S100Z: variants seen among roughly 807,000 people sequenced by gnomAD.
The protein encoded by S100Z is protein S100-Z.
Under a neutral mutation model 8.5 loss-of-function variants are expected in S100Z, and 11 were observed. The observed-to-expected ratio is 1.30, with a 90% CI of 0.82 to 2.15. The LOEUF (loss-of-function observed/expected upper bound fraction) is 2.15, where lower values mean the gene tolerates loss of function less well. Among genes scored for constraint, S100Z ranks in the 30% most tolerant of loss-of-function variants. The pLI is 0.00. For missense variants in S100Z, 126 were observed against 117.9 expected (o/e 1.07, Z -0.32); for synonymous variants, 34 against 43.8 (o/e 0.78, Z 0.89).
chr5:76,936,616 TACAC>T, the S100Z span, among the ~76,000 whole-genome samples: 417 of 134,128 alleles, frequency 3.1e-3, 1 homozygote, highest in East Asian at 5.1e-3. Flanking sequence ...TTAAAGTTCC[TACAC>T]ACACACACAC....
intron 1 of S100Z, among the ~76,000 whole-genome samples, chr5:76,852,536 C>A (rs1365255584): frequency 2.0e-5 from 3 of 151,982 alleles, no homozygotes; most frequent in Non-Finnish European, 4.4e-5. Flanking sequence ...ATGGTGAAAA[C>A]CCATCTCTAC....
intron 1 of S100Z, among the ~76,000 whole-genome samples, chr5:76,857,885 TAATAA>T (rs1355480541): frequency 6.6e-6 from 1 of 152,192 alleles, no homozygotes; most frequent in Non-Finnish European, 1.5e-5. Context: ...AATAAGTTTA[TAATAA>T]AATGTAACTC....
At chr5:76,863,740 G>T (rs369026588) in intron 1 of S100Z, among the ~76,000 whole-genome samples, 221 of 151,962 alleles carry the variant, frequency 1.5e-3, no homozygotes, top group African/African-American at 4.5e-3. Context: ...GGGTTTCACC[G>T]TGTTAGCCAG....
At chr5:76,908,474 C>T (rs536007067) in intron 4 of S100Z, among the ~76,000 whole-genome samples, 1 of 152,304 alleles carries the variant, frequency 6.6e-6, no homozygotes, top group Non-Finnish European at 1.5e-5. Context: ...GTCTCTGGTG[C>T]TTTTCTAGTT....
chr5:76,940,155 CAAAA>C, the S100Z span, among the ~76,000 whole-genome samples: 2 of 116,820 alleles, frequency 1.7e-5, no homozygotes, highest in Non-Finnish European at 1.7e-5. Context: ...GACTCCATCT[CAAAA>C]AAAAAAAAAA....
the S100Z span, among the ~76,000 whole-genome samples, chr5:76,935,651 G>A: frequency 6.0e-3 from 916 of 151,968 alleles, 26 homozygotes; most frequent in Admixed American, 0.041. Context: ...TACTAGATGT[G>A]GTACTGCCTT....
chr5:76,934,098 GA>G, the S100Z span, among the ~76,000 whole-genome samples: 1 of 152,178 alleles, frequency 6.6e-6, no homozygotes, highest in Non-Finnish European at 1.5e-5. Flanking sequence ...GACCACAGAA[GA>G]ATTAGTGACA....
At chr5:76,871,059 G>T (rs890501145) in intron 2 of S100Z, among the ~76,000 whole-genome samples, 1 of 152,120 alleles carries the variant, frequency 6.6e-6, no homozygotes. Flanking sequence ...TGAATTCCAG[G>T]CCTTGATGGG....
At chr5:76,899,843 G>T (rs1424377284) in intron 4 of S100Z, among the ~76,000 whole-genome samples, 1 of 152,070 alleles carries the variant, frequency 6.6e-6, no homozygotes, top group Non-Finnish European at 1.5e-5. Context: ...AGTGAGTTTT[G>T]TACCTTCAGG....
intron 4 of S100Z, among the ~76,000 whole-genome samples, chr5:76,899,605 A>C (rs1349861031): frequency 6.6e-6 from 1 of 152,144 alleles, no homozygotes; most frequent in Non-Finnish European, 1.5e-5. Context: ...TATTTGTATA[A>C]ACAAACAAGC....
downstream of S100Z, among the ~76,000 whole-genome samples, chr5:76,924,412 T>G (rs1745099940): frequency 1.3e-5 from 2 of 152,110 alleles, no homozygotes; most frequent in African/African-American, 4.8e-5. Context: ...TCAGCAAAGC[T>G]TCAGAGGGTG....
chr5:76,940,898 A>G, the S100Z span, among the ~76,000 whole-genome samples: 1 of 151,890 alleles, frequency 6.6e-6, no homozygotes, highest in African/African-American at 2.4e-5. Context: ...CTTGTTTTTG[A>G]TGATCTTGAC....
chr5:76,873,161 T>C (rs961439954), intron 2 of S100Z, among the ~76,000 whole-genome samples: 2 of 152,090 alleles, frequency 1.3e-5, no homozygotes, highest in African/African-American at 4.8e-5. Flanking sequence ...TTCATGCTTT[T>C]AGCCACCATG....
intron 4 of S100Z, among the ~76,000 whole-genome samples, chr5:76,899,383 T>G (rs1469280422): frequency 6.6e-6 from 1 of 151,810 alleles, no homozygotes; most frequent in Non-Finnish European, 1.5e-5. Context: ...TCCTACCATT[T>G]TGCTATTTTT....
the S100Z span, among the ~76,000 whole-genome samples, chr5:76,947,070 A>G: frequency 6.6e-6 from 1 of 152,224 alleles, no homozygotes; most frequent in Non-Finnish European, 1.5e-5. Context: ...TCTAACAGTA[A>G]CATGTAAAAC....
intron 4 of S100Z, among the ~76,000 whole-genome samples, chr5:76,918,345 T>C (rs1744924295): frequency 6.6e-6 from 1 of 152,168 alleles, no homozygotes; most frequent in Non-Finnish European, 1.5e-5. Flanking sequence ...TAGCTGAGAC[T>C]ACAGGTGCGT....
chr5:76,918,514 G>A (rs1744929324), intron 4 of S100Z, among the ~76,000 whole-genome samples: 1 of 152,096 alleles, frequency 6.6e-6, no homozygotes, highest in South Asian at 2.1e-4. Flanking sequence ...GTAGAATAAG[G>A]GTTTTAATTT....
intron 4 of S100Z, among the ~76,000 whole-genome samples, chr5:76,914,074 CCAA>C (rs1003875446): frequency 2.0e-4 from 31 of 152,182 alleles, no homozygotes; most frequent in African/African-American, 7.5e-4. Flanking sequence ...ATGAGTTCAA[CCAA>C]CAACTTCTAC....
the S100Z span, among the ~76,000 whole-genome samples, chr5:76,952,060 A>G: frequency 6.6e-6 from 1 of 152,200 alleles, no homozygotes; most frequent in Non-Finnish European, 1.5e-5. Flanking sequence ...CCAATAGTGG[A>G]GCATCCTCAT....
Sources: gnomAD v4.1 joint callset for allele counts (sites outside exome capture counted in the v4.1 genomes callset) on GRCh38, gnomAD v4.1.1 for gene constraint, MANE v1.5 for transcripts, NCBI Gene and HGNC (gene_info 2026-07-23, HGNC 2026-07-21) for gene names.